FAF1: variants seen among roughly 807,000 people sequenced by gnomAD.
FAF1 encodes the protein FAS-associated factor 1.
In FAF1, 25 loss-of-function variants were observed where a neutral mutation model predicts 92.5. The ratio of observed to expected loss-of-function variants is 0.27; its 90% CI spans 0.20 to 0.38. The LOEUF is 0.38. Ranked by LOEUF, FAF1 falls within the 10% of genes least tolerant of loss-of-function variation. The pLI is 1.00. For missense variants in FAF1, 636 were observed against 793.3 expected (o/e 0.80, Z 2.38); for synonymous variants, 234 against 273.2 (o/e 0.86, Z 1.42).
At chr1:50,599,545 C>T (rs1459250446) in intron 8 of FAF1, among the ~76,000 whole-genome samples, 2 of 152,128 alleles carry the variant, frequency 1.3e-5, no homozygotes, top group Non-Finnish European at 2.9e-5. Flanking sequence ...ATGGCAGTTT[C>T]ATTTAATAAT....
intron 15 of FAF1, among the ~76,000 whole-genome samples, chr1:50,510,686 T>C (rs1375536134): frequency 2.0e-5 from 3 of 152,184 alleles, no homozygotes; most frequent in Non-Finnish European, 2.9e-5. Context: ...GTAAACACAT[T>C]TCAAAAGTCT....
At chr1:50,601,479 C>T (rs924074441) in intron 8 of FAF1, among the ~76,000 whole-genome samples, 6 of 152,048 alleles carry the variant, frequency 3.9e-5, no homozygotes, top group African/African-American at 1.2e-4. Context: ...GCCAGCAGTT[C>T]GAGACCAGCC....
intron 13 of FAF1, among the ~76,000 whole-genome samples, chr1:50,559,615 C>A (rs1040977951): frequency 6.6e-6 from 1 of 152,192 alleles, no homozygotes; most frequent in Non-Finnish European, 1.5e-5. Flanking sequence ...AGAACGCAAA[C>A]CTTGAGTTAA....
intron 15 of FAF1, among the ~76,000 whole-genome samples, chr1:50,525,914 T>C (rs888796624): frequency 1.3e-5 from 2 of 152,208 alleles, no homozygotes; most frequent in Admixed American, 6.5e-5. Flanking sequence ...CTATAATTCA[T>C]TGGTAAAGAA....
chr1:50,636,378 C>T (rs1654009078), intron 8 of FAF1, among the ~76,000 whole-genome samples: 1 of 128,842 alleles, frequency 7.8e-6, no homozygotes, highest in Admixed American at 7.7e-5. Context: ...TGGGGCGTGT[C>T]CTTTTTTTTT....
chr1:50,885,805 T>C (rs1485851432), intron 1 of FAF1, among the ~76,000 whole-genome samples: 3 of 152,218 alleles, frequency 2.0e-5, no homozygotes. Context: ...TGACTTTCTC[T>C]GGTAGTATGA....
intron 7 of FAF1, among the ~76,000 whole-genome samples, chr1:50,703,044 C>A (rs934111528): frequency 6.6e-6 from 1 of 151,164 alleles, no homozygotes; most frequent in African/African-American, 2.4e-5. Flanking sequence ...AAAAAATGAC[C>A]AGGAACCTTT....
At chr1:50,651,002 C>T (rs933577755) in intron 8 of FAF1, among the ~76,000 whole-genome samples, 5 of 152,120 alleles carry the variant, frequency 3.3e-5, no homozygotes, top group Non-Finnish European at 5.9e-5. Flanking sequence ...AAAGAAAATA[C>T]GTTAACTCTG....
rs527288971 is a variant in FAF1, at chr1:50,648,931, G to A, written c.744+6511C>T. Among the ~76,000 whole-genome samples, 4 of 152,120 alleles carry A rather than the reference G, an allele frequency of 2.6e-5. No individual in the cohort carries two copies. The East Asian group carries it at 7.8e-4, about 30-fold the overall frequency. On this transcript the variant is annotated intron_variant, in intron 8 of 18. Coordinates refer to ENST00000396153, the MANE Select transcript of FAF1 (RefSeq NM_007051.3). ...ACAAGAGCGAAACTCCATCTCAAAA[G>A]TTAGGGGGCCTGGCCCTAATTGTTT...
At chr1:50,937,500 T>A (rs887097611) in intron 1 of FAF1, among the ~76,000 whole-genome samples, 1 of 151,804 alleles carries the variant, frequency 6.6e-6, no homozygotes, top group Admixed American at 6.6e-5. Context: ...AAAGTAGTGA[T>A]CCCCTAATTA....
chr1:50,624,112 G>A (rs1416674256), intron 8 of FAF1, among the ~76,000 whole-genome samples: 1 of 152,174 alleles, frequency 6.6e-6, no homozygotes, highest in Admixed American at 6.5e-5. Flanking sequence ...GTGGCAGGCA[G>A]TCAAGTAGAA....
chr1:50,438,038 A>AT lies in FAF1; in HGVS notation c.*3401_*3402insA, dbSNP rs1391449942. ...ACTCTGTCTCAAAAAAAAAAAAAAA[A>AT]AAAAAAAAAAATTAGAGATTCTTTG... On this transcript the variant is annotated 3_prime_UTR_variant, in exon 19 of 19. Coordinates refer to ENST00000396153, the MANE Select transcript of FAF1 (RefSeq NM_007051.3). 3.3e-5 allele frequency: 5 copies of AT among 151,862 alleles called. No homozygotes were observed. Among genetic ancestry groups the AT allele is most frequent in the Non-Finnish European group, 7.3e-5 (5 of 68,258 alleles). The allele number at this position is 151,862 out of a possible 1,614,324, so 9.4% of individuals were successfully genotyped here.
intron 1 of FAF1, among the ~76,000 whole-genome samples, chr1:50,941,968 C>T (rs193148657): frequency 2.4e-4 from 37 of 152,222 alleles, no homozygotes; most frequent in Non-Finnish European, 4.3e-4. Flanking sequence ...CTAGCATACC[C>T]ATTTGAGAAA....
chr1:50,478,561 A>C (rs778843874), intron 17 of FAF1, among the ~76,000 whole-genome samples: 9 of 152,228 alleles, frequency 5.9e-5, no homozygotes, highest in Non-Finnish European at 1.3e-4. Flanking sequence ...GATTAAAAGT[A>C]AAACATTAAA....
At chr1:50,927,319 A>C (rs1433912316) in intron 1 of FAF1, among the ~76,000 whole-genome samples, 2 of 152,134 alleles carry the variant, frequency 1.3e-5, no homozygotes, top group African/African-American at 4.8e-5. Context: ...GGTGGCTCAC[A>C]CCTGTAATCC....
chr1:50,729,058 A>ATATATATATATATATT (rs1375923156), intron 6 of FAF1, among the ~76,000 whole-genome samples: 5 of 70,116 alleles, frequency 7.1e-5, no homozygotes, highest in African/African-American at 3.0e-4. Flanking sequence ...ATATATATAT[A>ATATATATATATATATT]TTTTTTTTTT....
chr1:50,478,928 AT>A (rs1646669239), intron 17 of FAF1, among the ~76,000 whole-genome samples: 2 of 152,358 alleles, frequency 1.3e-5, no homozygotes, highest in Admixed American at 1.3e-4. Flanking sequence ...GTACAACTTG[AT>A]AAAGTTTCAA....
At chr1:50,567,317 T>C in intron 12 of FAF1, 86 bp from the exon 13 acceptor site, 1 of 964,672 alleles carries the variant, frequency 1.0e-6, no homozygotes, top group South Asian at 2.2e-5. Context: ...TTAGTCTATA[T>C]GAACAGCAAA....
At chr1:50,941,266 GT>G in intron 1 of FAF1, among the ~76,000 whole-genome samples, 1 of 152,290 alleles carries the variant, frequency 6.6e-6, no homozygotes, top group African/African-American at 2.4e-5. Context: ...CTGGAGTGCA[GT>G]GGTGTGATCT....
Sources: allele counts gnomAD v4.1 joint callset (sites outside exome capture counted in the v4.1 genomes callset), GRCh38; gene constraint gnomAD v4.1.1; transcripts MANE v1.5; gene names NCBI Gene and HGNC (gene_info 2026-07-23, HGNC 2026-07-21).